Variants in PAX5 observed in about 807,000 individuals in gnomAD.
PAX5 encodes paired box protein Pax-5.
Under a neutral mutation model 43.7 loss-of-function variants are expected in PAX5, and 9 were observed. The observed-to-expected ratio is 0.21, with a 90% CI of 0.12 to 0.36. The LOEUF (loss-of-function observed/expected upper bound fraction) is 0.36, where lower values mean the gene tolerates loss of function less well. PAX5 is among the 10% of genes least tolerant of loss of function. The pLI, the probability that PAX5 is intolerant of heterozygous loss-of-function variation, is 1.00. For missense variants in PAX5, 383 were observed against 532.7 expected, an observed-to-expected ratio of 0.72 and a Z score of 2.77; for synonymous variants, 228 against 214.3, an observed-to-expected ratio of 1.06 and a Z score of -0.56.
intron 8 of PAX5, among the ~76,000 whole-genome samples, chr9:36,872,441 A>C (rs1296327272): frequency 6.6e-6 from 1 of 152,096 alleles, no homozygotes; most frequent in Non-Finnish European, 1.5e-5. Flanking sequence ...CCTGGGGTGC[A>C]TTCAGCCCAG....
At chr9:36,872,446 GC>G (rs2131713309) in intron 8 of PAX5, among the ~76,000 whole-genome samples, 1 of 152,232 alleles carries the variant, frequency 6.6e-6, no homozygotes, top group African/African-American at 2.4e-5. Flanking sequence ...GGTGCATTCA[GC>G]CCAGCCTCCC....
intron 7 of PAX5, among the ~76,000 whole-genome samples, chr9:36,920,958 C>G (rs939654189): frequency 1.3e-5 from 2 of 152,028 alleles, no homozygotes; most frequent in Non-Finnish European, 2.9e-5. Context: ...GGATTACAGG[C>G]ATGCACCACC....
chr9:36,985,367 A>C (rs1465004519), intron 5 of PAX5, among the ~76,000 whole-genome samples: 2 of 152,184 alleles, frequency 1.3e-5, no homozygotes, highest in Admixed American at 6.5e-5. Context: ...TTAGTGAGTG[A>C]GGGAATGCCA....
chr9:36,903,029 C>A (rs1464298140), intron 7 of PAX5, among the ~76,000 whole-genome samples: 1 of 152,210 alleles, frequency 6.6e-6, no homozygotes, highest in Non-Finnish European at 1.5e-5. Context: ...CCCCACCCCT[C>A]ACCACCAGCA....
chr9:36,921,975 C>T (rs1428180963), intron 7 of PAX5, among the ~76,000 whole-genome samples: 7 of 152,164 alleles, frequency 4.6e-5, no homozygotes, highest in African/African-American at 1.4e-4. Flanking sequence ...ATGGGCTCCC[C>T]GGCTCCCTGC....
intron 9 of PAX5, among the ~76,000 whole-genome samples, chr9:36,844,560 C>A (rs2131583250): frequency 6.6e-6 from 1 of 152,328 alleles, no homozygotes. Context: ...TTCCTCCTCT[C>A]CATGCTGTCT....
At chr9:36,971,800 T>C (rs1466057483) in intron 5 of PAX5, among the ~76,000 whole-genome samples, 1 of 152,230 alleles carries the variant, frequency 6.6e-6, no homozygotes, top group Non-Finnish European at 1.5e-5. Context: ...ACCAATGTTA[T>C]TCACAACCCA....
At chr9:36,966,454 C>T in intron 6 of PAX5, 95 bp downstream of exon 6, 1 of 1,368,666 alleles carries the variant, frequency 7.3e-7, no homozygotes, top group Non-Finnish European at 1.0e-6. Context: ...CTGGTGTGCC[C>T]TCACCCACAC....
chr9:36,878,403 T>TA (rs1826112753), intron 8 of PAX5, among the ~76,000 whole-genome samples: 1 of 152,236 alleles, frequency 6.6e-6, no homozygotes, highest in Non-Finnish European at 1.5e-5. Context: ...TCATGTGATG[T>TA]GGCAGAGCCA....
chr9:36,876,496 T>C (rs906187105), intron 8 of PAX5, among the ~76,000 whole-genome samples: 1 of 152,244 alleles, frequency 6.6e-6, no homozygotes, highest in Non-Finnish European at 1.5e-5. Context: ...CCCCTTCCTT[T>C]TTCCTCTAGC....
rs538700944 is a variant in PAX5, at chr9:36,836,246, C to T, written c.*4314G>A. 12 of 233,534 alleles carry T rather than the reference C, an allele frequency of 5.1e-5. No individual in the cohort carries two copies. The South Asian group carries it at 2.0e-3, about 39-fold the overall frequency. The allele number at this position is 233,534 out of a possible 1,614,324, so 14.5% of individuals were successfully genotyped here. A position where few individuals can be genotyped will look rare whatever the true frequency, so the allele number is the denominator to read the frequency against. ...GTCCCCAGCGCCTCTGACCTTCCAC[C>T]CAACTCCATCTTCAAAGCGCAAGAC... On this transcript the variant is annotated 3_prime_UTR_variant, in exon 10 of 10. Coordinates refer to ENST00000358127, the MANE Select transcript of PAX5 (RefSeq NM_016734.3).
intron 3 of PAX5, among the ~76,000 whole-genome samples, chr9:37,014,048 A>G (rs1388413422): frequency 6.6e-6 from 1 of 152,162 alleles, no homozygotes; most frequent in Non-Finnish European, 1.5e-5. Flanking sequence ...AAACTGTCCA[A>G]GTTTTCAGGC....
chr9:36,879,363 C>T (rs566621851), intron 8 of PAX5, among the ~76,000 whole-genome samples: 3 of 152,382 alleles, frequency 2.0e-5, no homozygotes, highest in African/African-American at 7.2e-5. Flanking sequence ...CTTCTCTGAA[C>T]TCAGCCTCTT....
chr9:36,900,778 C>T (rs1450525370), intron 7 of PAX5, among the ~76,000 whole-genome samples: 1 of 152,152 alleles, frequency 6.6e-6, no homozygotes, highest in Non-Finnish European at 1.5e-5. Flanking sequence ...TGTGTCCATG[C>T]CCCCAGTCCT....
chr9:36,910,550 G>A lies in PAX5; in HGVS notation c.910+12805C>T, dbSNP rs184489995. Among the ~76,000 whole-genome samples the A allele has an allele frequency of 6.6e-5, 10 of 152,188 alleles. No individual in the cohort carries two copies. The East Asian group carries it at 1.9e-3, about 29-fold the overall frequency. On this transcript the variant is annotated intron_variant, in intron 7 of 9. Transcript: ENST00000358127. ...CTCTATGCAAATCAAAGCACCTTTG[G>A]GCTGGACCTCGGGGGCACACGCCAG...
intron 1 of PAX5, among the ~76,000 whole-genome samples, chr9:37,030,735 C>G (rs189248337): frequency 1.3e-5 from 2 of 152,344 alleles, no homozygotes; most frequent in African/African-American, 4.8e-5. Flanking sequence ...GGGACACACC[C>G]CCTCCCGGCT....
chr9:36,995,975 A>G (rs2132352552), intron 5 of PAX5, among the ~76,000 whole-genome samples: 1 of 152,300 alleles, frequency 6.6e-6, no homozygotes, highest in African/African-American at 2.4e-5. Context: ...GCAAAGGAGG[A>G]GGAAAGTGAG....
At chr9:36,900,265 GAC>G (rs1828260035) in intron 7 of PAX5, among the ~76,000 whole-genome samples, 1 of 152,216 alleles carries the variant, frequency 6.6e-6, no homozygotes, top group South Asian at 2.1e-4. Flanking sequence ...AGAAGCTGAT[GAC>G]ACAAAGAAGC....
At chr9:36,919,566 G>A (rs1167227866) in intron 7 of PAX5, among the ~76,000 whole-genome samples, 1 of 152,154 alleles carries the variant, frequency 6.6e-6, no homozygotes, top group African/African-American at 2.4e-5. Context: ...CAATTTGGCT[G>A]GGCACGGTGG....
Sources: allele counts gnomAD v4.1 joint callset (sites outside exome capture counted in the v4.1 genomes callset), GRCh38; gene constraint gnomAD v4.1.1; transcripts MANE v1.5; gene names NCBI Gene and HGNC (gene_info 2026-07-23, HGNC 2026-07-21).